CNTNAP4: variants seen among roughly 807,000 people sequenced by gnomAD.
CNTNAP4 encodes contactin-associated protein-like 4.
A neutral mutation model predicts 148.4 loss-of-function variants in CNTNAP4; 98 were observed. The ratio of observed to expected loss-of-function variants is 0.66; its 90% CI spans 0.56 to 0.78. The LOEUF (loss-of-function observed/expected upper bound fraction) is 0.78, where lower values mean the gene tolerates loss of function less well. CNTNAP4 is among the 30% of genes least tolerant of loss of function. The pLI, the probability that CNTNAP4 is intolerant of heterozygous loss-of-function variation, is 0.00. For missense variants in CNTNAP4, 1,935 were observed against 1,565.6 expected, an observed-to-expected ratio of 1.24 and a Z score of -3.98; for synonymous variants, 730 against 565.1, an observed-to-expected ratio of 1.29 and a Z score of -4.14.
At chr16:76,492,496 TGAGA>T (rs1443676077) in intron 13 of CNTNAP4, among the ~76,000 whole-genome samples, 1 of 149,960 alleles carries the variant, frequency 6.7e-6, no homozygotes, top group African/African-American at 2.4e-5. Context: ...GCAAAATCCC[TGAGA>T]GAGTGTTGAG....
chr16:76,431,771 T>C (rs979514612), intron 4 of CNTNAP4, among the ~76,000 whole-genome samples: 27 of 151,646 alleles, frequency 1.8e-4, no homozygotes, highest in Non-Finnish European at 3.2e-4. Flanking sequence ...CACTGAGTTA[T>C]CAAATTTGCT....
chr16:76,348,857 C>CAAAAAA (rs34687530), intron 2 of CNTNAP4, among the ~76,000 whole-genome samples: 6 of 147,916 alleles, frequency 4.1e-5, no homozygotes, highest in African/African-American at 1.2e-4. Context: ...TAAAAGAAGC[C>CAAAAAA]AAAAAAAAAA....
intron 21 of CNTNAP4, among the ~76,000 whole-genome samples, chr16:76,550,088 AT>A (rs2084900345): frequency 6.6e-6 from 1 of 152,224 alleles, no homozygotes; most frequent in South Asian, 2.1e-4. Context: ...TGCTGGAATA[AT>A]ATCCATAGTG....
In CNTNAP4 at chr16:76,355,184, A is replaced by G. The variant is rs2012414232; in HGVS notation, c.197-134A>G. 3 of 513,356 alleles carry G rather than the reference A, an allele frequency of 5.8e-6. No individual in the cohort carries two copies. The Admixed American group carries it at 1.2e-4, about 20-fold the overall frequency. 31.8% of individuals were successfully genotyped at this position (513,356 alleles called of 1,614,324 possible). A position where few individuals can be genotyped will look rare whatever the true frequency, so the allele number is the denominator to read the frequency against. ...ATTCTTACCTCTATATTTTTCTACA[A>G]TTATAAGAAGTTTCATATTTTGGAT... On this transcript the variant is annotated intron_variant, in intron 2 of 23. Transcript: ENST00000611870.
At chr16:76,424,943 A>G (rs2079329998) in intron 3 of CNTNAP4, among the ~76,000 whole-genome samples, 2 of 152,094 alleles carry the variant, frequency 1.3e-5, no homozygotes, top group African/African-American at 4.8e-5. Context: ...TTTTAGGTGA[A>G]TCATCGGGAT....
At chr16:76,337,001 G>T (rs1021232081) in intron 2 of CNTNAP4, among the ~76,000 whole-genome samples, 1 of 152,142 alleles carries the variant, frequency 6.6e-6, no homozygotes, top group Non-Finnish European at 1.5e-5. Flanking sequence ...CAAACTAACC[G>T]CTGTCAAGCT....
intron 8 of CNTNAP4, among the ~76,000 whole-genome samples, chr16:76,456,697 C>T (rs2080743563): frequency 6.6e-6 from 1 of 152,154 alleles, no homozygotes; most frequent in Non-Finnish European, 1.5e-5. Flanking sequence ...TGGTACCAGG[C>T]TGTGTCCTAG....
rs1189871791 is a variant in CNTNAP4, at chr16:76,475,984, C to T, written c.1701C>T (p.Ser567=). 3.1e-6 allele frequency: 5 copies of T among 1,613,850 alleles called. No individual in the cohort carries two copies. Among genetic ancestry groups the T allele is most frequent in the East Asian group, 4.5e-5 (2 of 44,858 alleles). The part of the protein sequence containing the change: ...YCEHGGECSQ[S]WSTFHCNCTN... Reference sequence around the variant, plus strand: ...AACACGGTGGGGAGTGTTCCCAGTCCTGGAGCACCTTTCATTGTAACTGTA... The same window carrying T: ...AACACGGTGGGGAGTGTTCCCAGTCTTGGAGCACCTTTCATTGTAACTGTA... The change falls in exon 11 of 24, where the codon TCC becomes TCT. Residue 567 remains serine, a synonymous_variant. Transcript: ENST00000611870.
At chr16:76,404,250 A>G (rs2078522083) in intron 3 of CNTNAP4, among the ~76,000 whole-genome samples, 1 of 152,188 alleles carries the variant, frequency 6.6e-6, no homozygotes, top group Admixed American at 6.5e-5. Flanking sequence ...ATGTAAATGC[A>G]CAAAGAAAAA....
At chr16:76,538,433 A>G in intron 19 of CNTNAP4, 93 bp downstream of exon 19, 1 of 962,412 alleles carries the variant, frequency 1.0e-6, no homozygotes, top group Non-Finnish European at 1.6e-6. Flanking sequence ...TTCTCAAGCT[A>G]CAAACAGAAA....
chr16:76,425,699 G>T (rs998706327), intron 3 of CNTNAP4, among the ~76,000 whole-genome samples: 1 of 152,166 alleles, frequency 6.6e-6, no homozygotes, highest in Admixed American at 6.5e-5. Flanking sequence ...GGCATGCAAA[G>T]ATCTGGGGAA....
chr16:76,408,659 A>G (rs766646761), intron 3 of CNTNAP4, among the ~76,000 whole-genome samples: 14 of 152,136 alleles, frequency 9.2e-5, no homozygotes, highest in Non-Finnish European at 1.8e-4. Context: ...TAGAATCTAA[A>G]GAAGTGAACA....
chr16:76,365,751 C>CAAAAAAA (rs35586454), intron 3 of CNTNAP4, among the ~76,000 whole-genome samples: 24 of 100,004 alleles, frequency 2.4e-4, no homozygotes, highest in Non-Finnish European at 3.5e-4. Flanking sequence ...GACTCCGTCT[C>CAAAAAAA]AAAAAAAAAA....
chr16:76,311,338 C>T (rs1008777957), intron 1 of CNTNAP4, among the ~76,000 whole-genome samples: 2 of 151,844 alleles, frequency 1.3e-5, no homozygotes, highest in Non-Finnish European at 1.5e-5. Context: ...TCTAATTTAC[C>T]ATTTACTTTT....
rs1448971098 is a variant in CNTNAP4, at chr16:76,311,543, T to A, written c.86-4870T>A. On this transcript the variant is annotated intron_variant, in intron 1 of 23. Coordinates refer to ENST00000611870, the MANE Select transcript of CNTNAP4 (RefSeq NM_033401.5). ...GATGTAACTAGTATATATACATTTT[T>A]TAATGAAAAGACTAAAGCTATCGTT... 7.9e-5 allele frequency among the ~76,000 whole-genome samples: 12 copies of A among 152,342 alleles called. No homozygotes were observed. In the East Asian group the frequency reaches 2.3e-3, roughly 29 times the overall value.
Position 76,277,539 on chromosome 16 carries a change from G to C in CNTNAP4, c.-124G>C, listed in dbSNP as rs76880636. The stretch of plus-strand genomic sequence containing the variant: ...ACGGAGGGAGGTGAGGAGGAAGGGA[G>C]GGGGAGAGACAGAGACCTAGAGGGG... On this transcript the variant is annotated 5_prime_UTR_variant, in exon 1 of 24. Coordinates refer to ENST00000611870, the MANE Select transcript of CNTNAP4 (RefSeq NM_033401.5). 3.2e-3 allele frequency: 1,997 copies of C among 630,580 alleles called. 26 individuals carry two copies. Among genetic ancestry groups the C allele is most frequent in the African/African-American group, 0.027 (1,496 of 54,574 alleles). The allele number at this position is 630,580 out of a possible 1,614,324, so 39.1% of individuals were successfully genotyped here. A position where few individuals can be genotyped will look rare whatever the true frequency, so the allele number is the denominator to read the frequency against.
rs988265599 is a variant in CNTNAP4, at chr16:76,495,055, C to T, written c.2226C>T (p.Asp742=). Residue 742 remains aspartate (D), a synonymous_variant, in exon 14 of 24, where the codon GAC becomes GAT. Coordinates refer to ENST00000611870, the MANE Select transcript of CNTNAP4 (RefSeq NM_033401.5). ...AGTATTACTGCAATTGTGATGCTGA[C>T]CGGAATGAATGGTGATTTCCATATG... is the stretch of plus-strand genomic sequence containing the variant. The part of the protein sequence containing the change: ...DSQYYCNCDA[D]RNEWTNDTGL... 2 of 1,612,488 alleles carry T rather than the reference C, an allele frequency of 1.2e-6. No individual in the cohort carries two copies. Among genetic ancestry groups the T allele is most frequent in the Non-Finnish European group, 1.7e-6 (2 of 1,179,114 alleles).
intron 8 of CNTNAP4, among the ~76,000 whole-genome samples, chr16:76,454,019 G>T (rs1053428804): frequency 1.3e-5 from 2 of 151,744 alleles, no homozygotes; most frequent in Non-Finnish European, 2.9e-5. Context: ...TTCTGAAGTG[G>T]TTATATTCAT....
intron 3 of CNTNAP4, among the ~76,000 whole-genome samples, chr16:76,385,317 C>G (rs17699441): frequency 6.6e-6 from 1 of 152,240 alleles, no homozygotes; most frequent in East Asian, 1.9e-4. Flanking sequence ...GCTATGTCAT[C>G]TCACAGGGAC....
Sources: gnomAD v4.1 joint callset for allele counts (sites outside exome capture counted in the v4.1 genomes callset) on GRCh38, gnomAD v4.1.1 for gene constraint, MANE v1.5 for transcripts, NCBI Gene and HGNC (gene_info 2026-07-23, HGNC 2026-07-21) for gene names.